The following MAPK10 variants were observed in gnomAD, a reference collection of about 807,000 sequenced individuals.
MAPK10 encodes mitogen-activated protein kinase 10, also known as JNK3 alpha protein kinase.
MAPK10 carries 25 observed loss-of-function variants against 59.3 expected under a neutral mutation model. The ratio of observed to expected loss-of-function variants is 0.42; its 90% CI spans 0.31 to 0.59. MAPK10 has a LOEUF of 0.59. Among genes scored for constraint, MAPK10 ranks in the 20% least tolerant of loss-of-function variants. MAPK10 has a pLI of 0.15. For missense variants in MAPK10, 351 were observed against 568.9 expected (o/e 0.62, Z 3.90); for synonymous variants, 190 against 200.5 (o/e 0.95, Z 0.44).
At chr4:86,472,524 G>A (rs1287602712) in intron 1 of MAPK10, among the ~76,000 whole-genome samples, 1 of 152,148 alleles carries the variant, frequency 6.6e-6, no homozygotes, top group African/African-American at 2.4e-5. Context: ...GTGCACACCT[G>A]TAGTCCCACT....
At chr4:86,027,174 T>C (rs1001417727) in intron 13 of MAPK10, 10 of 152,222 alleles carry the variant, frequency 6.6e-5, no homozygotes, top group Admixed American at 5.2e-4. Flanking sequence ...ACATGACTTA[T>C]AACTAAGTCA....
At chr4:86,430,548 T>C (rs1173754664) in intron 1 of MAPK10, among the ~76,000 whole-genome samples, 1 of 152,178 alleles carries the variant, frequency 6.6e-6, no homozygotes, top group Non-Finnish European at 1.5e-5. Flanking sequence ...CGAGTAGTTA[T>C]ATACCATAGA....
intron 1 of MAPK10, among the ~76,000 whole-genome samples, chr4:86,583,526 C>G (rs1385963090): frequency 6.6e-6 from 1 of 152,156 alleles, no homozygotes; most frequent in African/African-American, 2.4e-5. Context: ...AGTTTTCCAT[C>G]ATTCTTTTTC....
intron 1 of MAPK10, among the ~76,000 whole-genome samples, chr4:86,411,623 T>C (rs1436523926): frequency 6.6e-6 from 1 of 152,246 alleles, no homozygotes. Flanking sequence ...TTAGCTCTTC[T>C]TGTTGAATTT....
intron 1 of MAPK10, among the ~76,000 whole-genome samples, chr4:86,563,783 G>A (rs1382929903): frequency 6.6e-6 from 1 of 152,122 alleles, no homozygotes; most frequent in Non-Finnish European, 1.5e-5. Context: ...AGATGGAGCT[G>A]GACAGCATGC....
intron 1 of MAPK10, among the ~76,000 whole-genome samples, chr4:86,390,547 G>A (rs1742060104): frequency 6.6e-6 from 1 of 152,176 alleles, no homozygotes; most frequent in Non-Finnish European, 1.5e-5. Context: ...TTCTGCAGTT[G>A]GAGACATGTG....
intron 1 of MAPK10, among the ~76,000 whole-genome samples, chr4:86,591,899 A>G (rs1402449154): frequency 6.6e-6 from 1 of 152,132 alleles, no homozygotes; most frequent in Non-Finnish European, 1.5e-5. Flanking sequence ...CTTGACTTCA[A>G]TAGGAATAAT....
intron 1 of MAPK10, among the ~76,000 whole-genome samples, chr4:86,411,696 G>A (rs1745193508): frequency 1.3e-5 from 2 of 152,142 alleles, no homozygotes; most frequent in African/African-American, 4.8e-5. Flanking sequence ...TTTAAAGTCT[G>A]TTTTATCAGA....
chr4:86,464,042 A>AT (rs1751982259), intron 1 of MAPK10, among the ~76,000 whole-genome samples: 1 of 152,174 alleles, frequency 6.6e-6, no homozygotes, highest in Non-Finnish European at 1.5e-5. Context: ...GAAATGGGAG[A>AT]ACTCAGATTG....
At chr4:86,544,072 G>A (rs1196136533) in intron 1 of MAPK10, among the ~76,000 whole-genome samples, 1 of 152,178 alleles carries the variant, frequency 6.6e-6, no homozygotes. Context: ...TGTGGAGGGA[G>A]AGAATGGGGA....
At chr4:86,569,355 T>C (rs1160169254) in intron 1 of MAPK10, among the ~76,000 whole-genome samples, 1 of 152,174 alleles carries the variant, frequency 6.6e-6, no homozygotes, top group Non-Finnish European at 1.5e-5. Flanking sequence ...TTGGTGGGAA[T>C]GTAAATTAAG....
intron 2 of MAPK10, among the ~76,000 whole-genome samples, chr4:86,221,430 T>C (rs777964938): frequency 6.6e-5 from 10 of 152,102 alleles, no homozygotes; most frequent in Non-Finnish European, 1.2e-4. Flanking sequence ...CACATTGATA[T>C]GGTTTGGATC....
chr4:86,510,539 A>G (rs1274396646), intron 1 of MAPK10, among the ~76,000 whole-genome samples: 2 of 152,120 alleles, frequency 1.3e-5, no homozygotes, highest in Non-Finnish European at 1.5e-5. Flanking sequence ...ATGTATATAA[A>G]TACACATGAA....
At chr4:86,230,401 A>G (rs1192352038) in intron 2 of MAPK10, among the ~76,000 whole-genome samples, 2 of 152,226 alleles carry the variant, frequency 1.3e-5, no homozygotes, top group Non-Finnish European at 2.9e-5. Flanking sequence ...GGGAATGTTT[A>G]AAAGAGTATG....
At chr4:86,170,491 T>C (rs2073774189) in intron 3 of MAPK10, among the ~76,000 whole-genome samples, 1 of 152,152 alleles carries the variant, frequency 6.6e-6, no homozygotes, top group Non-Finnish European at 1.5e-5. Flanking sequence ...CATTACATAA[T>C]GGTAAAGGGA....
intron 2 of MAPK10, among the ~76,000 whole-genome samples, chr4:86,205,732 T>G (rs1391677566): frequency 1.3e-5 from 2 of 151,982 alleles, no homozygotes; most frequent in Non-Finnish European, 2.9e-5. Flanking sequence ...ATTCAGTAGA[T>G]AGAGAAAATA....
chr4:86,200,643 A>G (rs375011038), intron 2 of MAPK10, among the ~76,000 whole-genome samples: 105 of 151,852 alleles, frequency 6.9e-4, no homozygotes, highest in African/African-American at 2.4e-3. Context: ...GTATGTTTTC[A>G]TTTCTCTTAG....
chr4:86,116,857 AGCACTG>A (rs1439946683), intron 4 of MAPK10, among the ~76,000 whole-genome samples: 1 of 152,242 alleles, frequency 6.6e-6, no homozygotes. Context: ...ACCTAGAGTG[AGCACTG>A]AGTAAATGAT....
At chr4:86,261,089 T>C (rs1194131927) in intron 2 of MAPK10, among the ~76,000 whole-genome samples, 1 of 152,206 alleles carries the variant, frequency 6.6e-6, no homozygotes. Flanking sequence ...CCATTTTTCA[T>C]GACACAGAAA....
Sources: allele counts gnomAD v4.1 joint callset (sites outside exome capture counted in the v4.1 genomes callset), GRCh38; gene constraint gnomAD v4.1.1; transcripts MANE v1.5; gene names NCBI Gene and HGNC (gene_info 2026-07-23, HGNC 2026-07-21).